MTMR9: variants seen among roughly 807,000 people sequenced by gnomAD.
The protein encoded by MTMR9 is myotubularin-related protein 9.
In MTMR9, 39 loss-of-function variants were observed where a neutral mutation model predicts 69.5. That is an observed-to-expected ratio of 0.56 (90% CI 0.43 to 0.73). The LOEUF is 0.73. Ranked by LOEUF, MTMR9 falls within the 30% of genes least tolerant of loss-of-function variation. The pLI, the probability that MTMR9 is intolerant of heterozygous loss-of-function variation, is 0.00. For synonymous variants in MTMR9, 354 were observed against 240.8 expected, an observed-to-expected ratio of 1.47 and a Z score of -4.35; for missense variants, 900 against 671.2, an observed-to-expected ratio of 1.34 and a Z score of -3.77.
intron 5 of MTMR9, among the ~76,000 whole-genome samples, chr8:11,308,182 G>A (rs759550847): frequency 6.6e-6 from 1 of 152,134 alleles, no homozygotes; most frequent in Non-Finnish European, 1.5e-5. Flanking sequence ...CAGGCCTTAT[G>A]TTTAAGTCTT....
At chr8:11,300,217 A>T in intron 3 of MTMR9, 69 bp downstream of exon 3, 1 of 1,551,920 alleles carries the variant, frequency 6.4e-7, no homozygotes, top group Non-Finnish European at 8.8e-7. Context: ...TGTGAAAATG[A>T]TCACTTCTTT....
At chr8:11,335,794 G>A in the MTMR9 span, among the ~76,000 whole-genome samples, 1 of 152,168 alleles carries the variant, frequency 6.6e-6, no homozygotes, top group Non-Finnish European at 1.5e-5. Flanking sequence ...CTGTGTGCAT[G>A]TCTCTGTGTT....
At chr8:11,288,491 G>A (rs926197451) in intron 1 of MTMR9, among the ~76,000 whole-genome samples, 1 of 151,580 alleles carries the variant, frequency 6.6e-6, no homozygotes, top group African/African-American at 2.4e-5. Flanking sequence ...ACTACAGACC[G>A]GAATGAAATG....
intron 3 of MTMR9, among the ~76,000 whole-genome samples, chr8:11,304,140 T>C (rs144792649): frequency 6.6e-6 from 1 of 152,338 alleles, no homozygotes; most frequent in African/African-American, 2.4e-5. Flanking sequence ...TTGATAGTTT[T>C]ATATTGTATA....
intron 6 of MTMR9, among the ~76,000 whole-genome samples, chr8:11,313,104 A>G (rs1394924917): frequency 1.3e-5 from 2 of 152,218 alleles, no homozygotes; most frequent in South Asian, 2.1e-4. Context: ...CAGAATTGCA[A>G]ATAATCACTG....
chr8:11,309,218 G>T (rs1298036565), intron 5 of MTMR9, among the ~76,000 whole-genome samples: 1 of 152,116 alleles, frequency 6.6e-6, no homozygotes, highest in African/African-American at 2.4e-5. Flanking sequence ...AAGTGGTGCT[G>T]TGTCTCCTGA....
chr8:11,322,830 T>G lies in MTMR9; in HGVS notation c.*42T>G. On this transcript the variant is annotated 3_prime_UTR_variant, in exon 10 of 10. Transcript: ENST00000221086. ...CTTCGCAAGGACCTTCTTGGGCCTG[T>G]GTCCGCCGTTCTCTCCTTGTGCCCT... 2 of 1,574,776 alleles carry G rather than the reference T, an allele frequency of 1.3e-6. No homozygotes were observed. Among genetic ancestry groups the G allele is most frequent in the Non-Finnish European group, 1.7e-6 (2 of 1,158,114 alleles).
downstream of MTMR9, among the ~76,000 whole-genome samples, chr8:11,329,595 C>T (rs1335246286): frequency 6.6e-6 from 1 of 152,250 alleles, no homozygotes; most frequent in African/African-American, 2.4e-5. Flanking sequence ...GGATTGTAGA[C>T]GGAGTCTGGT....
chr8:11,291,356 C>G (rs892028805), intron 1 of MTMR9, among the ~76,000 whole-genome samples: 2 of 151,948 alleles, frequency 1.3e-5, no homozygotes, highest in African/African-American at 4.8e-5. Context: ...CCTGAAAAAA[C>G]TAAGACCATT....
intron 6 of MTMR9, among the ~76,000 whole-genome samples, chr8:11,314,315 A>T (rs1800321896): frequency 6.6e-6 from 1 of 152,184 alleles, no homozygotes; most frequent in African/African-American, 2.4e-5. Context: ...GGGGTCCCAG[A>T]CACTTCTGAG....
intron 9 of MTMR9, 86 bp from the exon 10 acceptor site, chr8:11,322,539 C>A: frequency 2.6e-6 from 3 of 1,132,392 alleles, no homozygotes; most frequent in Non-Finnish European, 3.9e-6. Context: ...ATGTATAATA[C>A]ATAAATTACA....
At chr8:11,300,896 A>C (rs1799727057) in intron 3 of MTMR9, 1 of 152,226 alleles carries the variant, frequency 6.6e-6, no homozygotes, top group Non-Finnish European at 1.5e-5. Context: ...TGGTTGGCTG[A>C]CTTTTGTGAA....
chr8:11,332,608 T>C (rs1175851801), downstream of MTMR9, among the ~76,000 whole-genome samples: 2 of 55,624 alleles, frequency 3.6e-5, no homozygotes, highest in African/African-American at 7.6e-5. Context: ...TGTTTTTTGC[T>C]TTTTTTTTTC....
At chr8:11,320,162 T>C in intron 9 of MTMR9, 1 of 222,096 alleles carries the variant, frequency 4.5e-6, no homozygotes, top group South Asian at 9.5e-5. Context: ...AATTGTAAGC[T>C]CATCAGGGAG....
intron 1 of MTMR9, among the ~76,000 whole-genome samples, chr8:11,289,486 GT>G (rs370102243): frequency 0.024 from 3,474 of 147,450 alleles, 57 homozygotes; most frequent in Middle Eastern, 0.049. Flanking sequence ...GTTATACCTG[GT>G]TTTTTTTTTA....
Position 11,295,201 on chromosome 8 carries a change from G to A in MTMR9, c.190G>A (p.Gly64Arg). The change falls in exon 2 of 10, where the codon GGA (glycine) becomes AGA (arginine). Residue 64 changes from glycine to arginine, a missense_variant. Transcript: ENST00000221086. ...NIDAIDKRFV[G>R]SLGTIIIKCK... Reference sequence around the variant, plus strand: ...ATTTGCAATTTCTTACAGATTTGTAGGATCACTGGGTACCATCATCATAAA... The same window carrying A: ...ATTTGCAATTTCTTACAGATTTGTAAGATCACTGGGTACCATCATCATAAA... The A allele has an allele frequency of 6.3e-7, 1 of 1,586,366 alleles. No homozygotes were observed. Among genetic ancestry groups the A allele is most frequent in the East Asian group, 2.2e-5 (1 of 44,458 alleles).
chr8:11,287,804 ATATAATACATATAAT>A, intron 1 of MTMR9, among the ~76,000 whole-genome samples: 1 of 117,006 alleles, frequency 8.5e-6, no homozygotes, highest in Non-Finnish European at 1.6e-5. Flanking sequence ...AATACATATT[ATATAATACATATAAT>A]ATATAATATA....
the MTMR9 span, among the ~76,000 whole-genome samples, chr8:11,333,234 A>G: frequency 9.2e-5 from 14 of 152,342 alleles, no homozygotes; most frequent in South Asian, 2.7e-3. Flanking sequence ...AAAAATCACA[A>G]AGAATCTTGA....
At chr8:11,332,752 C>A (rs1264630064), downstream of MTMR9, among the ~76,000 whole-genome samples, 1 of 152,122 alleles carries the variant, frequency 6.6e-6, no homozygotes, top group Non-Finnish European at 1.5e-5. Flanking sequence ...CAGGTGCATG[C>A]CACCACACGC....
Sources: allele counts gnomAD v4.1 joint callset (sites outside exome capture counted in the v4.1 genomes callset), GRCh38; gene constraint gnomAD v4.1.1; transcripts MANE v1.5; gene names NCBI Gene and HGNC (gene_info 2026-07-23, HGNC 2026-07-21).